GPC5: variants seen among roughly 807,000 people sequenced by gnomAD.
GPC5 encodes the protein glypican 5.
A neutral mutation model predicts 53.9 loss-of-function variants in GPC5; 47 were observed. The observed-to-expected ratio is 0.87, with a 90% confidence interval of 0.69 to 1.11. The LOEUF (loss-of-function observed/expected upper bound fraction) is 1.11. Among genes scored for constraint, GPC5 ranks in the 50% most tolerant of loss-of-function variants. The pLI, the probability that GPC5 is intolerant of heterozygous loss-of-function variation, is 0.00. For synonymous variants in GPC5, 286 were observed against 263.3 expected, an observed-to-expected ratio of 1.09 and a Z score of -0.84; for missense variants, 748 against 713.1, an observed-to-expected ratio of 1.05 and a Z score of -0.56.
chr13:92,605,879 T>C (rs910437308), intron 7 of GPC5, among the ~76,000 whole-genome samples: 1 of 152,010 alleles, frequency 6.6e-6, no homozygotes, highest in South Asian at 2.1e-4. Flanking sequence ...TATTAGGTTA[T>C]TAATCAGTAA....
intron 7 of GPC5, among the ~76,000 whole-genome samples, chr13:92,234,860 G>A (rs932461802): frequency 6.6e-6 from 1 of 152,260 alleles, no homozygotes; most frequent in Middle Eastern, 3.4e-3. Flanking sequence ...TGAAGTAATT[G>A]ATATGCCAAA....
intron 6 of GPC5, among the ~76,000 whole-genome samples, chr13:91,990,043 C>A (rs184866650): frequency 2.6e-4 from 39 of 152,260 alleles, no homozygotes; most frequent in Admixed American, 9.2e-4. Context: ...CCATAAACAG[C>A]ATTTCTTTTC....
intron 7 of GPC5, among the ~76,000 whole-genome samples, chr13:92,656,805 G>A (rs1328322682): frequency 6.6e-6 from 1 of 152,190 alleles, no homozygotes; most frequent in African/African-American, 2.4e-5. Flanking sequence ...CAAACAAAAC[G>A]TATCCATGCA....
intron 2 of GPC5, among the ~76,000 whole-genome samples, chr13:91,449,238 A>G (rs1421129081): frequency 1.3e-5 from 2 of 152,174 alleles, no homozygotes; most frequent in African/African-American, 2.4e-5. Context: ...ATGAACAGAC[A>G]TAATTATTAG....
intron 6 of GPC5, among the ~76,000 whole-genome samples, chr13:91,917,930 C>T (rs1241516695): frequency 6.6e-6 from 1 of 152,192 alleles, no homozygotes; most frequent in Non-Finnish European, 1.5e-5. Context: ...AAGTCACTTC[C>T]ACATTTTCGG....
At chr13:92,815,311 A>T (rs1192184893) in intron 7 of GPC5, among the ~76,000 whole-genome samples, 2 of 152,012 alleles carry the variant, frequency 1.3e-5, no homozygotes, top group Non-Finnish European at 1.5e-5. Context: ...ATAACCAATG[A>T]AGTTCCCACT....
rs1253777592 is a variant in GPC5, at chr13:92,202,316, G to T, written c.1561+57327G>T. ...TAGCATGCAGAACAGGCTATGTTTT[G>T]TGTTTTTCTTAACCTTCAAAGTGTT... is the stretch of plus-strand genomic sequence containing the variant. On this transcript the variant is annotated intron_variant, in intron 7 of 7. Coordinates refer to ENST00000377067, the MANE Select transcript of GPC5 (RefSeq NM_004466.6). 2.0e-5 allele frequency among the ~76,000 whole-genome samples: 3 copies of T among 152,248 alleles called. No homozygotes were observed. In the South Asian group the frequency reaches 6.2e-4, roughly 32 times the overall value.
At chr13:92,576,076 T>G (rs1883181140) in intron 7 of GPC5, among the ~76,000 whole-genome samples, 1 of 152,204 alleles carries the variant, frequency 6.6e-6, no homozygotes, top group African/African-American at 2.4e-5. Flanking sequence ...TTTCTAATTC[T>G]TCCACTGGCA....
intron 7 of GPC5, among the ~76,000 whole-genome samples, chr13:92,797,823 A>AGATAGATAGAT (rs747911206): frequency 3.0e-5 from 2 of 65,970 alleles, no homozygotes; most frequent in Admixed American, 1.9e-4. Context: ...AAGGGATGAT[A>AGATAGATAGAT]GATAGATAGA....
At chr13:92,658,841 A>G (rs1014181050) in intron 7 of GPC5, among the ~76,000 whole-genome samples, 1 of 151,814 alleles carries the variant, frequency 6.6e-6, no homozygotes, top group Admixed American at 6.6e-5. Flanking sequence ...ATCAAGGTTG[A>G]ATTATAGGAG....
At chr13:92,829,827 T>C (rs1448140612) in intron 7 of GPC5, among the ~76,000 whole-genome samples, 1 of 152,114 alleles carries the variant, frequency 6.6e-6, no homozygotes, top group African/African-American at 2.4e-5. Flanking sequence ...CAGAAAATAT[T>C]GAGGAAAAGA....
intron 5 of GPC5, among the ~76,000 whole-genome samples, chr13:91,783,947 G>A (rs745462681): frequency 2.6e-5 from 4 of 152,154 alleles, no homozygotes; most frequent in Non-Finnish European, 5.9e-5. Context: ...GGTCCCAAAA[G>A]ATAATTTATA....
chr13:91,505,721 T>G (rs1402706843), intron 2 of GPC5, among the ~76,000 whole-genome samples: 1 of 152,228 alleles, frequency 6.6e-6, no homozygotes, highest in Admixed American at 6.5e-5. Context: ...TTTTACTTTT[T>G]GTGTCCCTCA....
chr13:92,487,848 A>T (rs1317032718), intron 7 of GPC5, among the ~76,000 whole-genome samples: 2 of 134,418 alleles, frequency 1.5e-5, no homozygotes, highest in African/African-American at 6.4e-5. Context: ...AGTAAAAAAA[A>T]AAAAAAAAAA....
chr13:91,818,779 G>A (rs1363600306), intron 5 of GPC5, among the ~76,000 whole-genome samples: 1 of 152,156 alleles, frequency 6.6e-6, no homozygotes, highest in Non-Finnish European at 1.5e-5. Context: ...ACAAGACAAA[G>A]CCAGCATTAT....
At chr13:91,968,346 A>G (rs2040208918) in intron 6 of GPC5, among the ~76,000 whole-genome samples, 1 of 152,148 alleles carries the variant, frequency 6.6e-6, no homozygotes, top group African/African-American at 2.4e-5. Flanking sequence ...CTAAATATTG[A>G]TGGTATTGTC....
chr13:92,665,445 C>T (rs1221721747), intron 7 of GPC5, among the ~76,000 whole-genome samples: 3 of 152,184 alleles, frequency 2.0e-5, no homozygotes, highest in Non-Finnish European at 4.4e-5. Flanking sequence ...GGCCCCAGTG[C>T]TCTTTCTTTG....
intron 7 of GPC5, among the ~76,000 whole-genome samples, chr13:92,527,231 A>AAG (rs1163866364): frequency 3.8e-5 from 2 of 52,110 alleles, no homozygotes; most frequent in African/African-American, 9.3e-5. Context: ...GAAAGAAAGA[A>AAG]AGAAAGAAAG....
chr13:92,842,660 T>G (rs1878469283), intron 7 of GPC5, among the ~76,000 whole-genome samples: 1 of 151,718 alleles, frequency 6.6e-6, no homozygotes, highest in African/African-American at 2.4e-5. Context: ...TAATTGTTTT[T>G]TTTTTTTTTC....
Sources: allele counts gnomAD v4.1 joint callset (sites outside exome capture counted in the v4.1 genomes callset), GRCh38; gene constraint gnomAD v4.1.1; transcripts MANE v1.5; gene names NCBI Gene and HGNC (gene_info 2026-07-23, HGNC 2026-07-21).